Variants in UNC5C observed in about 807,000 individuals in gnomAD.
The protein encoded by UNC5C is unc-5 netrin receptor C, also known as netrin receptor UNC5C.
A neutral mutation model predicts 99.8 loss-of-function variants in UNC5C; 47 were observed. The ratio of observed to expected loss-of-function variants is 0.47; its 90% CI spans 0.37 to 0.60. The LOEUF (loss-of-function observed/expected upper bound fraction) is 0.60, where lower values mean the gene tolerates loss of function less well. Among genes scored for constraint, UNC5C ranks in the 20% least tolerant of loss-of-function variants. UNC5C has a pLI of 0.00. For synonymous variants in UNC5C, 487 were observed against 452.2 expected (o/e 1.08, Z -0.98); for missense variants, 1,062 against 1,165.9 (o/e 0.91, Z 1.30).
intron 3 of UNC5C, among the ~76,000 whole-genome samples, chr4:95,281,497 G>A (rs1226709061): frequency 1.3e-5 from 2 of 152,156 alleles, no homozygotes; most frequent in Admixed American, 6.5e-5. Flanking sequence ...CCTGAAGTTA[G>A]TTAGGGACTC....
intron 1 of UNC5C, among the ~76,000 whole-genome samples, chr4:95,525,596 T>TA (rs574532435): frequency 0.096 from 9,832 of 102,074 alleles, 1,672 homozygotes; most frequent in African/African-American, 0.35. Flanking sequence ...GCCTATTTCT[T>TA]AAAAAAAAAA....
chr4:95,548,927 G>T lies in UNC5C; in HGVS notation c.-70C>A. On this transcript the variant is annotated 5_prime_UTR_variant, in exon 1 of 16. Coordinates refer to ENST00000453304, the MANE Select transcript of UNC5C (RefSeq NM_003728.4). ...CGCGCAAACAGCTGAAAGCCCCACT[G>T]GGCAGAAGCTGAATCCGTGCACCGC... The T allele has an allele frequency of 6.3e-7, 1 of 1,577,796 alleles. No individual in the cohort carries two copies. Among genetic ancestry groups the T allele is most frequent in the South Asian group, 1.1e-5 (1 of 87,516 alleles).
chr4:95,319,717 C>G lies in UNC5C; in HGVS notation c.346+15693G>C, dbSNP rs535176533. Among the ~76,000 whole-genome samples the G allele has an allele frequency of 7.9e-5, 12 of 152,220 alleles. No homozygotes were observed. In the South Asian group the frequency reaches 2.5e-3, roughly 32 times the overall value. Reference sequence around the variant, plus strand: ...TCCAGAGCTATTTAGCAATGTCCTCCCAACTCAAGGGTTCACATTTGATTG... The same window carrying G: ...TCCAGAGCTATTTAGCAATGTCCTCGCAACTCAAGGGTTCACATTTGATTG... On this transcript the variant is annotated intron_variant, in intron 2 of 15. Coordinates refer to ENST00000453304, the MANE Select transcript of UNC5C (RefSeq NM_003728.4).
intron 2 of UNC5C, among the ~76,000 whole-genome samples, chr4:95,304,396 A>C (rs1437289421): frequency 6.6e-6 from 1 of 152,218 alleles, no homozygotes; most frequent in African/African-American, 2.4e-5. Flanking sequence ...CAATCCTCTC[A>C]GCAACAATCC....
chr4:95,453,346 A>G (rs1173133829), intron 1 of UNC5C, among the ~76,000 whole-genome samples: 1 of 152,144 alleles, frequency 6.6e-6, no homozygotes, highest in African/African-American at 2.4e-5. Flanking sequence ...CTTATATGCT[A>G]ATAAAGCCAA....
rs115001932 is a variant in UNC5C, at chr4:95,525,952, C to T, written c.124+22782G>A. 7.8e-3 allele frequency among the ~76,000 whole-genome samples: 1,184 copies of T among 152,214 alleles called. 12 individuals carry two copies. Among genetic ancestry groups the T allele is most frequent in the African/African-American group, 0.026 (1,065 of 41,538 alleles). On this transcript the variant is annotated intron_variant, in intron 1 of 15. Coordinates refer to ENST00000453304, the MANE Select transcript of UNC5C (RefSeq NM_003728.4). ...GCCAACTGTGTTACTTTCTAAAACA[C>T]ATTTAATTTTAAAAATTCGAATAGG...
chr4:95,314,332 T>TAA (rs1742389535), intron 2 of UNC5C, among the ~76,000 whole-genome samples: 1 of 152,166 alleles, frequency 6.6e-6, no homozygotes, highest in African/African-American at 2.4e-5. Flanking sequence ...GAGTTGCCTT[T>TAA]AAGTTTCTTC....
rs1441363509 is a variant in UNC5C, at chr4:95,330,142, T to C, written c.346+5268A>G. Among the ~76,000 whole-genome samples, 8 of 152,232 alleles carry C rather than the reference T, an allele frequency of 5.3e-5. No individual in the cohort carries two copies. The East Asian group carries it at 7.7e-4, about 15-fold the overall frequency. Reference sequence around the variant, plus strand: ...TACAAATGCCTTAGGTCTTTTAGTGTTTCTTGATCTCTATTTTAATCTATT... The same window carrying C: ...TACAAATGCCTTAGGTCTTTTAGTGCTTCTTGATCTCTATTTTAATCTATT... On this transcript the variant is annotated intron_variant, in intron 2 of 15. Coordinates refer to ENST00000453304, the MANE Select transcript of UNC5C (RefSeq NM_003728.4).
chr4:95,255,639 G>A (rs949207236), intron 4 of UNC5C, among the ~76,000 whole-genome samples: 5 of 152,008 alleles, frequency 3.3e-5, no homozygotes, highest in African/African-American at 7.2e-5. Context: ...TTTGTACTCC[G>A]TATCTTAGTC....
chr4:95,337,057 C>T (rs1399558769), intron 1 of UNC5C, among the ~76,000 whole-genome samples: 4 of 151,894 alleles, frequency 2.6e-5, no homozygotes, highest in Non-Finnish European at 5.9e-5. Context: ...CAGCATGAAA[C>T]TGATGTCTTG....
chr4:95,297,896 T>C (rs995390009), intron 3 of UNC5C, among the ~76,000 whole-genome samples: 3 of 152,206 alleles, frequency 2.0e-5, no homozygotes, highest in South Asian at 4.1e-4. Flanking sequence ...CTTCTCCCCT[T>C]GCCCAGCATG....
At chr4:95,242,836 C>CA (rs1379162946) in intron 6 of UNC5C, among the ~76,000 whole-genome samples, 2 of 152,170 alleles carry the variant, frequency 1.3e-5, no homozygotes, top group African/African-American at 4.8e-5. Flanking sequence ...CTGAGACATA[C>CA]AAAATCCAAA....
chr4:95,171,892 T>C (rs189376479), intron 14 of UNC5C, among the ~76,000 whole-genome samples: 8,653 of 151,142 alleles, frequency 0.057, 480 homozygotes, highest in African/African-American at 0.15. Context: ...ACATCCTCTC[T>C]AGCACCTGTC....
chr4:95,492,411 T>G (rs1578193404), intron 1 of UNC5C, among the ~76,000 whole-genome samples: 1 of 151,460 alleles, frequency 6.6e-6, no homozygotes, highest in East Asian at 1.9e-4. Context: ...TGGAATAATC[T>G]TAGCAGAAAG....
chr4:95,543,066 C>A (rs1397715579), intron 1 of UNC5C, among the ~76,000 whole-genome samples: 1 of 152,036 alleles, frequency 6.6e-6, no homozygotes, highest in Non-Finnish European at 1.5e-5. Context: ...AGTAAAACAT[C>A]CTTGAGCTAA....
At chr4:95,360,729 C>T (rs955670679) in intron 1 of UNC5C, among the ~76,000 whole-genome samples, 3 of 152,160 alleles carry the variant, frequency 2.0e-5, no homozygotes, top group African/African-American at 7.2e-5. Context: ...ACTCTGGCCT[C>T]TTGTGTTTCA....
chr4:95,387,243 A>C (rs1218212705), intron 1 of UNC5C, among the ~76,000 whole-genome samples: 5 of 151,984 alleles, frequency 3.3e-5, no homozygotes, highest in African/African-American at 1.2e-4. Flanking sequence ...GGCTCAAGCC[A>C]TCCTCCCACC....
chr4:95,280,955 T>G (rs1463122441), intron 3 of UNC5C, among the ~76,000 whole-genome samples: 1 of 152,176 alleles, frequency 6.6e-6, no homozygotes, highest in Admixed American at 6.5e-5. Flanking sequence ...TCTCTTCTGA[T>G]GTGGTGGCTT....
At chr4:95,348,874 A>C (rs988568815) in intron 1 of UNC5C, among the ~76,000 whole-genome samples, 2 of 151,534 alleles carry the variant, frequency 1.3e-5, no homozygotes, top group African/African-American at 4.8e-5. Context: ...ACAGAAAGAC[A>C]AACTTCACAG....
Sources: gnomAD v4.1 joint callset for allele counts (sites outside exome capture counted in the v4.1 genomes callset) on GRCh38, gnomAD v4.1.1 for gene constraint, MANE v1.5 for transcripts, NCBI Gene and HGNC (gene_info 2026-07-23, HGNC 2026-07-21) for gene names.